The following MALRD1 variants were observed in gnomAD, a reference collection of about 807,000 sequenced individuals.
MALRD1 encodes MAM and LDL-receptor class A domain-containing protein 1.
MALRD1 carries 247 observed loss-of-function variants against 242.1 expected under a neutral mutation model. The ratio of observed to expected loss-of-function variants is 1.02; its 90% CI spans 0.92 to 1.13. The LOEUF (loss-of-function observed/expected upper bound fraction) is 1.13, where lower values mean the gene tolerates loss of function less well. MALRD1 is among the 50% of genes most tolerant of loss of function. MALRD1 has a pLI of 0.00. For synonymous variants in MALRD1, 995 were observed against 866.6 expected, an observed-to-expected ratio of 1.15 and a Z score of -2.60; for missense variants, 2,989 against 2,533.1, an observed-to-expected ratio of 1.18 and a Z score of -3.86.
chr10:19,471,174 T>C (rs753717219), intron 29 of MALRD1, among the ~76,000 whole-genome samples: 1 of 151,940 alleles, frequency 6.6e-6, no homozygotes, highest in Non-Finnish European at 1.5e-5. Flanking sequence ...CCAGTACCAT[T>C]TGCTGGAGAG....
chr10:19,466,316 C>T (rs796256987), intron 29 of MALRD1, among the ~76,000 whole-genome samples: 1 of 151,950 alleles, frequency 6.6e-6, no homozygotes, highest in African/African-American at 2.4e-5. Flanking sequence ...AATTTTTTTT[C>T]CAATTTGTTT....
In MALRD1 at chr10:19,615,860, G is replaced by A; in HGVS notation, c.6074G>A (p.Cys2025Tyr). The A allele has an allele frequency of 2.0e-6, 3 of 1,527,492 alleles. No individual in the cohort carries two copies. The highest frequency in any genetic ancestry group is 2.6e-6 in the Non-Finnish European group (3 of 1,141,702). 94.6% of individuals were successfully genotyped at this position (1,527,492 alleles called of 1,614,324 possible). The change falls in exon 36 of 40, where the codon TGT (cysteine) becomes TAT (tyrosine). Residue 2025 changes from cysteine (C) to tyrosine (Y), a missense_variant. Coordinates refer to ENST00000454679, the MANE Select transcript of MALRD1 (RefSeq NM_001142308.3). ...FQLDESSCSE[C>Y]PLNYCRNGGT... ...TCTTTGTGATGCTTCTTTTTAGAAT[G>A]TCCATTAAATTACTGCAGAAATGGT...
intron 21 of MALRD1, among the ~76,000 whole-genome samples, chr10:19,311,405 C>T (rs1481518882): frequency 6.6e-6 from 1 of 151,330 alleles, no homozygotes; most frequent in Non-Finnish European, 1.5e-5. Flanking sequence ...AAATTTCCTG[C>T]TGGTGTTTAC....
intron 36 of MALRD1, among the ~76,000 whole-genome samples, chr10:19,627,505 G>A (rs182917973): frequency 2.0e-5 from 3 of 152,062 alleles, no homozygotes; most frequent in Admixed American, 2.0e-4. Flanking sequence ...TGGGAGGCCA[G>A]GTAGAGTGGA....
chr10:19,542,251 C>T (rs1835004065), intron 32 of MALRD1, among the ~76,000 whole-genome samples: 1 of 152,028 alleles, frequency 6.6e-6, no homozygotes, highest in Admixed American at 6.6e-5. Context: ...AATATTATTT[C>T]TTTATAAAAA....
chr10:19,317,173 A>G (rs1353058916), intron 21 of MALRD1, among the ~76,000 whole-genome samples: 1 of 151,912 alleles, frequency 6.6e-6, no homozygotes, highest in South Asian at 2.1e-4. Flanking sequence ...AACAACAAAC[A>G]TATATTTCTC....
intron 8 of MALRD1, among the ~76,000 whole-genome samples, chr10:19,130,955 C>G (rs568981059): frequency 6.6e-5 from 10 of 152,160 alleles, no homozygotes; most frequent in South Asian, 2.1e-4. Flanking sequence ...AGAAGTTAAT[C>G]ATAGGGAAAT....
chr10:19,283,097 CAA>C lies in MALRD1; in HGVS notation c.3337_3338del (p.Asn1113HisfsTer31), dbSNP rs777359882. ...ATCCCAGTACATTTGCTTCAAGATT[CAA>C]ACACATTCAGGTGGGGGCTTGGGAA... On this transcript the variant is annotated frameshift_variant, in exon 21 of 40. Coordinates refer to ENST00000454679, the MANE Select transcript of MALRD1 (RefSeq NM_001142308.3). LOFTEE classifies it high-confidence loss of function. 6.5e-7 allele frequency: 1 copy of C among 1,549,902 alleles called. No individual in the cohort carries two copies. Among genetic ancestry groups the C allele is most frequent in the South Asian group, 1.2e-5 (1 of 83,990 alleles).
chr10:19,281,306 C>T (rs1457028942), intron 20 of MALRD1, among the ~76,000 whole-genome samples: 1 of 152,000 alleles, frequency 6.6e-6, no homozygotes, highest in Non-Finnish European at 1.5e-5. Context: ...GCATTCGAAT[C>T]CCCTTATGAT....
At chr10:19,672,932 G>A (rs1210840210) in intron 36 of MALRD1, among the ~76,000 whole-genome samples, 1 of 152,150 alleles carries the variant, frequency 6.6e-6, no homozygotes, top group Non-Finnish European at 1.5e-5. Flanking sequence ...TATATAACAT[G>A]AGGATTATTT....
intron 21 of MALRD1, among the ~76,000 whole-genome samples, chr10:19,317,894 C>T (rs527899536): frequency 6.6e-6 from 1 of 152,150 alleles, no homozygotes; most frequent in South Asian, 2.1e-4. Context: ...TACATTATCA[C>T]CTTGGATCCT....
In MALRD1 at chr10:19,149,082, A is replaced by ATCTG. The variant is rs1336679686; in HGVS notation, c.1558+2741_1558+2742insGTCT. Among the ~76,000 whole-genome samples, 6 of 121,838 alleles carry ATCTG rather than the reference A, an allele frequency of 4.9e-5. No individual in the cohort carries two copies. In the East Asian group the frequency reaches 1.0e-3, roughly 21 times the overall value. 79.9% of individuals were successfully genotyped at this position (121,838 alleles called of 152,430 possible). A position where few individuals can be genotyped will look rare whatever the true frequency, so the allele number is the denominator to read the frequency against. ...TTTAAATCTGTCTATCTGTCCATCT[A>ATCTG]TCTATCTATCTATCTATCTATCTAT... On this transcript the variant is annotated intron_variant, in intron 11 of 39. Transcript: ENST00000454679.
intron 28 of MALRD1, among the ~76,000 whole-genome samples, chr10:19,424,721 A>C (rs1833838611): frequency 6.6e-6 from 1 of 152,160 alleles, no homozygotes; most frequent in Non-Finnish European, 1.5e-5. Context: ...GTTTGGTGGT[A>C]AGAAATAATA....
At chr10:19,611,037 C>A (rs1302387719) in intron 35 of MALRD1, among the ~76,000 whole-genome samples, 1 of 151,806 alleles carries the variant, frequency 6.6e-6, no homozygotes, top group South Asian at 2.1e-4. Context: ...GTTTCATAGG[C>A]AATGCAAATA....
Position 19,299,751 on chromosome 10 carries a change from G to A in MALRD1, c.3419+16570G>A, listed in dbSNP as rs577599028. On this transcript the variant is annotated intron_variant, in intron 21 of 39. Coordinates refer to ENST00000454679, the MANE Select transcript of MALRD1 (RefSeq NM_001142308.3). ...ATAACAAAAGTCATCTATGGCAGACGCACAGACAACATAATGAGAGGACAA... is the reference window on the plus strand; with the variant it reads ...ATAACAAAAGTCATCTATGGCAGACACACAGACAACATAATGAGAGGACAA... 2.2e-4 allele frequency among the ~76,000 whole-genome samples: 33 copies of A among 151,820 alleles called. 1 individual carries two copies. The South Asian group carries it at 5.6e-3, about 26-fold the overall frequency.
In MALRD1 at chr10:19,310,428, T is replaced by C. The variant is rs565987703; in HGVS notation, c.3420-13521T>C. On this transcript the variant is annotated intron_variant, in intron 21 of 39. Coordinates refer to ENST00000454679, the MANE Select transcript of MALRD1 (RefSeq NM_001142308.3). ...AAGGCAATACAGTATGATGATTAAT[T>C]GGAAATGCATGTTGAAAAACAAAAA... Among the ~76,000 whole-genome samples, 19 of 151,642 alleles carry C rather than the reference T, an allele frequency of 1.3e-4. No individual in the cohort carries two copies. In the South Asian group the frequency reaches 1.9e-3, roughly 15 times the overall value.
intron 21 of MALRD1, 82 bp from the exon 22 acceptor site, chr10:19,323,867 T>A: frequency 7.4e-7 from 1 of 1,342,688 alleles, no homozygotes; most frequent in Non-Finnish European, 1.0e-6. Flanking sequence ...TGCCTCAGCC[T>A]CCCAAATTCC....
chr10:19,590,026 T>C (rs756957929), intron 33 of MALRD1, among the ~76,000 whole-genome samples: 15 of 152,110 alleles, frequency 9.9e-5, no homozygotes, highest in Non-Finnish European at 1.6e-4. Context: ...CTCAATGCCA[T>C]TGGTTTTAAG....
intron 18 of MALRD1, among the ~76,000 whole-genome samples, chr10:19,213,922 A>C (rs1179134132): frequency 6.6e-6 from 1 of 152,198 alleles, no homozygotes; most frequent in South Asian, 2.1e-4. Flanking sequence ...TAGTGAGGCA[A>C]GATCCTTCTG....
Sources: gnomAD v4.1 joint callset for allele counts (sites outside exome capture counted in the v4.1 genomes callset) on GRCh38, gnomAD v4.1.1 for gene constraint, MANE v1.5 for transcripts, NCBI Gene and HGNC (gene_info 2026-07-23, HGNC 2026-07-21) for gene names.